DCC: variants seen among roughly 807,000 people sequenced by gnomAD.
DCC encodes DCC netrin 1 receptor.
DCC carries 58 observed loss-of-function variants against 172.5 expected under a neutral mutation model. That is an observed-to-expected ratio of 0.34 (90% CI 0.27 to 0.42). The LOEUF (loss-of-function observed/expected upper bound fraction) is 0.42, where lower values mean the gene tolerates loss of function less well. Among genes scored for constraint, DCC ranks in the 10% least tolerant of loss-of-function variants. DCC has a pLI of 1.00. For synonymous variants in DCC, 709 were observed against 644.5 expected, an observed-to-expected ratio of 1.10 and a Z score of -1.52; for missense variants, 1,740 against 1,791.0, an observed-to-expected ratio of 0.97 and a Z score of 0.51.
chr18:52,658,013 G>A (rs1775331362), intron 1 of DCC, among the ~76,000 whole-genome samples: 1 of 152,054 alleles, frequency 6.6e-6, no homozygotes, highest in Non-Finnish European at 1.5e-5. Flanking sequence ...TTTGTTCTTA[G>A]CTAATTAAGA....
chr18:53,285,779 G>A (rs1039945961), intron 12 of DCC, among the ~76,000 whole-genome samples: 5 of 152,206 alleles, frequency 3.3e-5, no homozygotes, highest in Non-Finnish European at 7.3e-5. Flanking sequence ...GGAGGAGACC[G>A]TACCCTTCAA....
chr18:52,871,745 C>T (rs2039322617), intron 2 of DCC, among the ~76,000 whole-genome samples: 1 of 152,114 alleles, frequency 6.6e-6, no homozygotes, highest in Non-Finnish European at 1.5e-5. Flanking sequence ...GACAAAACAA[C>T]ACAGAAAGAC....
chr18:52,851,116 CTTT>C (rs907659910), intron 2 of DCC, among the ~76,000 whole-genome samples: 1 of 151,998 alleles, frequency 6.6e-6, no homozygotes, highest in Non-Finnish European at 1.5e-5. Flanking sequence ...GTATACTTGT[CTTT>C]TTCTTCAAAG....
chr18:52,925,480 C>A, intron 5 of DCC, 110 bp downstream of exon 5: 2 of 1,137,128 alleles, frequency 1.8e-6, no homozygotes, highest in Non-Finnish European at 2.6e-6. Flanking sequence ...TGTGAAATTG[C>A]AAAGTCCCAA....
intron 1 of DCC, among the ~76,000 whole-genome samples, chr18:52,408,009 T>G (rs1986712408): frequency 6.6e-6 from 1 of 152,116 alleles, no homozygotes; most frequent in Non-Finnish European, 1.5e-5. Context: ...TAAGTATAAC[T>G]GACTCAGGCA....
chr18:52,934,748 C>A (rs1459795894), intron 5 of DCC: 1 of 151,956 alleles, frequency 6.6e-6, no homozygotes, highest in East Asian at 1.9e-4. Flanking sequence ...GATGCCTATC[C>A]AATAGGAATA....
chr18:52,643,163 A>G (rs565528911), intron 1 of DCC, among the ~76,000 whole-genome samples: 2 of 152,348 alleles, frequency 1.3e-5, no homozygotes, highest in South Asian at 4.1e-4. Flanking sequence ...CAATGTCTCC[A>G]GACCATTTGA....
intron 1 of DCC, among the ~76,000 whole-genome samples, chr18:52,550,546 G>A (rs888562864): frequency 1.3e-5 from 2 of 151,992 alleles, no homozygotes; most frequent in Non-Finnish European, 2.9e-5. Context: ...ACTACCTTCT[G>A]TTTCTCTTAC....
chr18:52,977,137 TA>T (rs2041131452), intron 5 of DCC, among the ~76,000 whole-genome samples: 1 of 152,166 alleles, frequency 6.6e-6, no homozygotes, highest in African/African-American at 2.4e-5. Context: ...TTTATTGTTT[TA>T]TGTCATCTTT....
intron 7 of DCC, among the ~76,000 whole-genome samples, chr18:53,155,226 A>G (rs2054711161): frequency 6.6e-6 from 1 of 152,102 alleles, no homozygotes; most frequent in Admixed American, 6.5e-5. Flanking sequence ...TTTTCTAGCT[A>G]GCAGAAGTTT....
At chr18:53,037,582 T>C (rs1237120235) in intron 5 of DCC, among the ~76,000 whole-genome samples, 1 of 151,928 alleles carries the variant, frequency 6.6e-6, no homozygotes, top group Non-Finnish European at 1.5e-5. Context: ...CTTAAAAAAA[T>C]TGAAGTCCTA....
At chr18:53,342,733 A>AT in intron 15 of DCC, among the ~76,000 whole-genome samples, 1 of 135,788 alleles carries the variant, frequency 7.4e-6, no homozygotes, top group East Asian at 2.4e-4. Context: ...ATACCCAAAT[A>AT]TATATATATA....
At chr18:52,934,794 T>C (rs903432490) in intron 5 of DCC, 5 of 152,088 alleles carry the variant, frequency 3.3e-5, no homozygotes, top group African/African-American at 1.2e-4. Context: ...TGGAGCACTC[T>C]CTCCACCCTT....
intron 1 of DCC, among the ~76,000 whole-genome samples, chr18:52,408,353 A>C (rs1201828862): frequency 6.6e-6 from 1 of 152,022 alleles, no homozygotes; most frequent in Non-Finnish European, 1.5e-5. Flanking sequence ...TCTTTTTAAA[A>C]ATTTTTATTA....
chr18:53,143,778 AT>A (rs1395390870), intron 7 of DCC, among the ~76,000 whole-genome samples: 6 of 152,298 alleles, frequency 3.9e-5, no homozygotes, highest in South Asian at 2.1e-4. Flanking sequence ...TACACAGGTA[AT>A]TTTTTCCTTC....
At chr18:52,416,506 C>T (rs1177805226) in intron 1 of DCC, among the ~76,000 whole-genome samples, 1 of 151,742 alleles carries the variant, frequency 6.6e-6, no homozygotes, top group African/African-American at 2.4e-5. Context: ...GTGTGGGAGT[C>T]TAAGTCTCTT....
At chr18:52,700,415 GCA>G (rs1044409023) in intron 1 of DCC, among the ~76,000 whole-genome samples, 9 of 151,454 alleles carry the variant, frequency 5.9e-5, no homozygotes, top group South Asian at 2.1e-4. Flanking sequence ...ACACGCACAT[GCA>G]CACACACACA....
At chr18:53,124,273 A>G (rs2144297372) in intron 7 of DCC, among the ~76,000 whole-genome samples, 1 of 152,246 alleles carries the variant, frequency 6.6e-6, no homozygotes, top group South Asian at 2.1e-4. Flanking sequence ...AGAACAATTA[A>G]GCACAGTGTA....
intron 5 of DCC, among the ~76,000 whole-genome samples, chr18:52,957,582 A>T (rs1294122158): frequency 2.0e-5 from 3 of 152,288 alleles, no homozygotes; most frequent in African/African-American, 7.2e-5. Context: ...TTGATCACAT[A>T]TCTCACAAAT....
Sources: allele counts gnomAD v4.1 joint callset (sites outside exome capture counted in the v4.1 genomes callset), GRCh38; gene constraint gnomAD v4.1.1; transcripts MANE v1.5; gene names NCBI Gene and HGNC (gene_info 2026-07-23, HGNC 2026-07-21).